LIMS1: variants seen among roughly 807,000 people sequenced by gnomAD.
The protein encoded by LIMS1 is LIM zinc finger domain containing 1.
Under a neutral mutation model 44.1 loss-of-function variants are expected in LIMS1, and 18 were observed. The ratio of observed to expected loss-of-function variants is 0.41; its 90% CI spans 0.28 to 0.61. The LOEUF is 0.61. LIMS1 is among the 20% of genes least tolerant of loss of function. The probability of loss-of-function intolerance (pLI) is 0.32; values close to 1 mark genes in which losing one functional copy is unlikely to be tolerated. For missense variants in LIMS1, 201 were observed against 422.0 expected (o/e 0.48, Z 4.59); for synonymous variants, 93 against 149.1 (o/e 0.62, Z 2.74).
intron 1 of LIMS1, among the ~76,000 whole-genome samples, chr2:108,551,373 A>G (rs1452030104): frequency 6.8e-6 from 1 of 146,832 alleles, no homozygotes; most frequent in Non-Finnish European, 1.5e-5. Context: ...TTATATATTT[A>G]TATATAACTG....
intron 1 of LIMS1, among the ~76,000 whole-genome samples, chr2:108,542,744 G>A (rs1197965258): frequency 1.3e-5 from 2 of 152,154 alleles, no homozygotes; most frequent in Admixed American, 6.5e-5. Flanking sequence ...GGGGGTAGGA[G>A]TTCCCAAGTC....
intron 1 of LIMS1, among the ~76,000 whole-genome samples, chr2:108,546,269 CTTTTTTTTTTT>C (rs35959257): frequency 2.2e-5 from 2 of 90,870 alleles, no homozygotes; most frequent in Non-Finnish European, 4.0e-5. Flanking sequence ...AGGCTACCGC[CTTTTTTTTTTT>C]TTTTTTTTTT....
chr2:108,570,911 T>A (rs1356514414), intron 1 of LIMS1, among the ~76,000 whole-genome samples: 6 of 152,196 alleles, frequency 3.9e-5, no homozygotes, highest in African/African-American at 7.2e-5. Flanking sequence ...GAGCTCTTAA[T>A]AGCTAACTGA....
intron 1 of LIMS1, among the ~76,000 whole-genome samples, chr2:108,656,417 A>C (rs1050350281): frequency 1.3e-5 from 2 of 152,184 alleles, no homozygotes; most frequent in African/African-American, 4.8e-5. Context: ...CTGAAAAATT[A>C]GCTAATTAAT....
intron 1 of LIMS1, among the ~76,000 whole-genome samples, chr2:108,575,780 G>A (rs889227177): frequency 2.0e-5 from 3 of 152,068 alleles, no homozygotes; most frequent in African/African-American, 7.3e-5. Context: ...CATCAGGGTT[G>A]TTTAGTCTTT....
At chr2:108,660,081 G>A (rs1215500798) in intron 2 of LIMS1, 2 of 452,722 alleles carry the variant, frequency 4.4e-6, no homozygotes, top group African/African-American at 2.0e-5. Context: ...AATTCTTTCT[G>A]AGTCTTCAGC....
At chr2:108,610,568 T>C (rs1374835332) in intron 1 of LIMS1, among the ~76,000 whole-genome samples, 2 of 152,224 alleles carry the variant, frequency 1.3e-5, no homozygotes, top group Non-Finnish European at 2.9e-5. Context: ...TCTGAGAAGA[T>C]GGACATGCTA....
At chr2:108,594,916 T>TA (rs146362873) in intron 1 of LIMS1, among the ~76,000 whole-genome samples, 3,209 of 151,352 alleles carry the variant, frequency 0.021, 48 homozygotes, top group Non-Finnish European at 0.025. Context: ...AGACTCATCC[T>TA]AAAAAAAAAT....
chr2:108,676,098 C>T (rs1335681359), intron 6 of LIMS1, 70 bp downstream of exon 6: 2 of 1,492,006 alleles, frequency 1.3e-6, no homozygotes, highest in South Asian at 1.3e-5. Flanking sequence ...CCAATACTTT[C>T]AGATCTCCCA....
rs74751553 is a variant in LIMS1, at chr2:108,623,610, G to A, written c.33-35995G>A. On this transcript the variant is annotated intron_variant, in intron 1 of 9. Transcript: ENST00000544547. ...CAGTGAGGAATAAGACACAGGCCTC[G>A]CCACAGGAACACCCACCTAGGTTTG... Among the ~76,000 whole-genome samples the A allele has an allele frequency of 4.5e-3, 681 of 152,210 alleles. 4 individuals are homozygous for A. Among genetic ancestry groups the A allele is most frequent in the South Asian group, 0.014 (68 of 4,828 alleles).
chr2:108,612,150 G>C (rs763316905), intron 1 of LIMS1, among the ~76,000 whole-genome samples: 2 of 150,816 alleles, frequency 1.3e-5, no homozygotes, highest in African/African-American at 2.4e-5. Context: ...AAAACTTCAG[G>C]CCTTTCTTTT....
At position 108,681,016 on chromosome 2, in the gene LIMS1, A is replaced by G. The variant is rs569159309; in HGVS notation, c.899+246A>G. 8 of 1,275,138 alleles carry G rather than the reference A, an allele frequency of 6.3e-6. No homozygotes were observed. In the African/African-American group the frequency reaches 1.1e-4, roughly 17 times the overall value. 79.0% of individuals were successfully genotyped at this position (1,275,138 alleles called of 1,614,324 possible). On this transcript the variant is annotated intron_variant, in intron 9 of 9. Coordinates refer to ENST00000544547, the Ensembl canonical transcript of LIMS1. The stretch of plus-strand genomic sequence containing the variant: ...CTAAAGCCAGTCTGCAAACACTGTT[A>G]TGAGAAAATGCCAGAAGAATTTAAG...
At chr2:108,609,271 G>C (rs1322125813) in intron 1 of LIMS1, among the ~76,000 whole-genome samples, 1 of 152,152 alleles carries the variant, frequency 6.6e-6, no homozygotes, top group Non-Finnish European at 1.5e-5. Flanking sequence ...AAAGCATAAA[G>C]GCTTCTCCTC....
At chr2:108,590,323 G>A (rs1324470087) in intron 1 of LIMS1, among the ~76,000 whole-genome samples, 1 of 152,126 alleles carries the variant, frequency 6.6e-6, no homozygotes, top group Non-Finnish European at 1.5e-5. Context: ...GAGAACACAA[G>A]TATTTTTCAT....
At chr2:108,647,077 TAAAG>T (rs751474427) in intron 1 of LIMS1, among the ~76,000 whole-genome samples, 6 of 151,452 alleles carry the variant, frequency 4.0e-5, no homozygotes, top group Non-Finnish European at 8.8e-5. Context: ...GTGAGAATAA[TAAAG>T]AAGAAAAGAG....
At chr2:108,559,145 T>G (rs1340382440) in intron 1 of LIMS1, among the ~76,000 whole-genome samples, 1 of 152,178 alleles carries the variant, frequency 6.6e-6, no homozygotes, top group Non-Finnish European at 1.5e-5. Context: ...TTATATACCC[T>G]TAGACACTGG....
chr2:108,534,798 C>T (rs1204640010), intron 1 of LIMS1, among the ~76,000 whole-genome samples: 2 of 152,000 alleles, frequency 1.3e-5, no homozygotes, highest in South Asian at 2.1e-4. Context: ...GCTGTTCACT[C>T]CCGGGTGTCC....
In LIMS1 at chr2:108,672,197, A is replaced by G. The variant is rs546913920; in HGVS notation, c.260-128A>G. The G allele has an allele frequency of 1.5e-5, 11 of 728,870 alleles. No homozygotes were observed. The African/African-American group carries it at 2.0e-4, about 13-fold the overall frequency. The allele number at this position is 728,870 out of a possible 1,614,324, so 45.2% of individuals were successfully genotyped here. ...AAAAAAAAAAAAAAAAAGTTCCTCT[A>G]TTGAGAAAGGCTTCAACGGTTTTTT... On this transcript the variant is annotated intron_variant, in intron 3 of 9. Coordinates refer to ENST00000544547, the Ensembl canonical transcript of LIMS1.
At chr2:108,643,532 C>T (rs919574486) in intron 1 of LIMS1, among the ~76,000 whole-genome samples, 6 of 152,074 alleles carry the variant, frequency 3.9e-5, no homozygotes, top group Non-Finnish European at 8.8e-5. Context: ...ACCACCAGGG[C>T]CCTGGGTTTC....
Sources: allele counts gnomAD v4.1 joint callset (sites outside exome capture counted in the v4.1 genomes callset), GRCh38; gene constraint gnomAD v4.1.1; transcripts MANE v1.5; gene names NCBI Gene and HGNC (gene_info 2026-07-23, HGNC 2026-07-21).